Variants in LRP1B observed in about 807,000 individuals in gnomAD.
LRP1B encodes the protein LDL receptor related protein 1B.
A neutral mutation model predicts 556.6 loss-of-function variants in LRP1B; 217 were observed. The observed-to-expected ratio is 0.39, with a 90% CI of 0.35 to 0.44. LRP1B has a LOEUF of 0.44. Among genes scored for constraint, LRP1B ranks in the 20% least tolerant of loss-of-function variants. The pLI is 1.00. For missense variants in LRP1B, 5,053 were observed against 5,620.8 expected (o/e 0.90, Z 3.23); for synonymous variants, 2,047 against 1,865.8 (o/e 1.10, Z -2.50).
intron 60 of LRP1B, among the ~76,000 whole-genome samples, chr2:140,472,222 G>A (rs1240291074): frequency 6.6e-6 from 1 of 152,062 alleles, no homozygotes; most frequent in East Asian, 1.9e-4. Flanking sequence ...AATATTGAAT[G>A]AATGAATGAA....
chr2:140,501,461 C>T (rs1689183094), intron 55 of LRP1B, among the ~76,000 whole-genome samples: 1 of 150,982 alleles, frequency 6.6e-6, no homozygotes, highest in Admixed American at 6.6e-5. Flanking sequence ...CCTTTATGCT[C>T]CAAAAATGTA....
At chr2:140,979,839 A>C (rs2105340316) in intron 18 of LRP1B, among the ~76,000 whole-genome samples, 1 of 152,208 alleles carries the variant, frequency 6.6e-6, no homozygotes, top group Non-Finnish European at 1.5e-5. Context: ...TTGTGTTCTC[A>C]AGCAGGTTTC....
chr2:142,003,340 T>C (rs1348848716), intron 1 of LRP1B, among the ~76,000 whole-genome samples: 6 of 152,216 alleles, frequency 3.9e-5, no homozygotes, highest in Non-Finnish European at 7.3e-5. Flanking sequence ...GGTAATTTTG[T>C]GCAAATTAGA....
chr2:141,826,190 T>C (rs1008798805), intron 1 of LRP1B, among the ~76,000 whole-genome samples: 8 of 151,756 alleles, frequency 5.3e-5, no homozygotes, highest in South Asian at 4.1e-4. Flanking sequence ...AGAAAAAATA[T>C]ATATAAATTA....
At chr2:142,036,819 CTAAT>C (rs1703898352) in intron 1 of LRP1B, among the ~76,000 whole-genome samples, 1 of 151,672 alleles carries the variant, frequency 6.6e-6, no homozygotes, top group African/African-American at 2.4e-5. Context: ...GTTGAATTCA[CTAAT>C]TATTACAAAG....
At chr2:140,669,249 GAC>G (rs1422277979) in intron 41 of LRP1B, among the ~76,000 whole-genome samples, 1 of 151,962 alleles carries the variant, frequency 6.6e-6, no homozygotes, top group Non-Finnish European at 1.5e-5. Context: ...AAAATAATGA[GAC>G]AGTAAAGACA....
rs540973227 is a variant in LRP1B at position 141,542,934 on chromosome 2, G to GT, written c.206-62402dup. Among the ~76,000 whole-genome samples, 91 of 152,204 alleles carry GT rather than the reference G, an allele frequency of 6.0e-4. 3 individuals are homozygous for GT. In the South Asian group the frequency reaches 0.012, roughly 20 times the overall value. ...TCAGGTATTAAAAAAGATTAAGGTA[G>GT]TTTTTTATGTACTGATAGCAGAAGA... is the stretch of plus-strand genomic sequence containing the variant. On this transcript the variant is annotated intron_variant, in intron 2 of 90. Coordinates refer to ENST00000389484, the MANE Select transcript of LRP1B (RefSeq NM_018557.3).
intron 2 of LRP1B, among the ~76,000 whole-genome samples, chr2:141,611,176 T>C (rs1358526442): frequency 6.6e-6 from 1 of 152,210 alleles, no homozygotes; most frequent in Non-Finnish European, 1.5e-5. Flanking sequence ...TTTCCCATAG[T>C]TAAAGGAGCT....
chr2:141,440,978 G>A (rs1377776192), intron 3 of LRP1B, among the ~76,000 whole-genome samples: 1 of 144,770 alleles, frequency 6.9e-6, no homozygotes, highest in Non-Finnish European at 1.5e-5. Flanking sequence ...AGCCACTCCC[G>A]CCCACCCTCA....
intron 3 of LRP1B, among the ~76,000 whole-genome samples, chr2:141,308,306 T>C (rs994396969): frequency 1.3e-5 from 2 of 152,204 alleles, no homozygotes; most frequent in African/African-American, 4.8e-5. Flanking sequence ...TGGGTCTTGA[T>C]GGCATCTTTT....
Position 140,886,283 on chromosome 2 carries a change from A to T in LRP1B, c.3819T>A (p.Ile1273=), listed in dbSNP as rs762380327. 6.2e-7 allele frequency: 1 copy of T among 1,609,278 alleles called. No individual in the cohort carries two copies. Among genetic ancestry groups the T allele is most frequent in the East Asian group, 2.2e-5 (1 of 44,582 alleles). ...IFSIRHEIRR[I]DLHKRDYSLL... ...GACTATAGTCTCTTTTGTGAAGATC[A>T]ATCCTTCTGATCTCATGACGAATAG... The change falls in exon 24 of 91, where the codon ATT becomes ATA. Residue 1273 remains isoleucine (I), a synonymous_variant. Transcript: ENST00000389484.
rs1303640514 is a variant in LRP1B, at chr2:141,716,689, C to T, written c.205+93590G>A. 2.6e-5 allele frequency among the ~76,000 whole-genome samples: 4 copies of T among 152,124 alleles called. No homozygotes were observed. The East Asian group carries it at 7.7e-4, about 29-fold the overall frequency. On this transcript the variant is annotated intron_variant, in intron 2 of 90. Transcript: ENST00000389484. ...AAAAAAATAAATAAATCTGCTAAAGCCAACAGCTTTGGCGGCCTGCAATCT... is the reference window on the plus strand; with the variant it reads ...AAAAAAATAAATAAATCTGCTAAAGTCAACAGCTTTGGCGGCCTGCAATCT...
chr2:141,628,809 A>G (rs1248262972), intron 2 of LRP1B, among the ~76,000 whole-genome samples: 2 of 151,932 alleles, frequency 1.3e-5, no homozygotes, highest in Non-Finnish European at 2.9e-5. Flanking sequence ...CACCACACCC[A>G]GCTAATTTTG....
chr2:140,762,528 A>G (rs1019563678), intron 35 of LRP1B, among the ~76,000 whole-genome samples: 1 of 151,964 alleles, frequency 6.6e-6, no homozygotes, highest in Non-Finnish European at 1.5e-5. Flanking sequence ...TAATCCTCTT[A>G]TGGGTGTTTA....
intron 3 of LRP1B, among the ~76,000 whole-genome samples, chr2:141,325,085 A>C (rs1167760131): frequency 1.3e-5 from 2 of 152,102 alleles, no homozygotes; most frequent in Non-Finnish European, 2.9e-5. Context: ...CTGTTGAAAA[A>C]GAAATCATGC....
intron 85 of LRP1B, among the ~76,000 whole-genome samples, chr2:140,272,480 A>T (rs180914793): frequency 6.6e-6 from 1 of 152,106 alleles, no homozygotes; most frequent in East Asian, 1.9e-4. Flanking sequence ...TCTGTTTTAA[A>T]GATTATACTC....
intron 7 of LRP1B, among the ~76,000 whole-genome samples, chr2:141,126,042 T>A (rs886078161): frequency 6.6e-5 from 10 of 151,544 alleles, no homozygotes; most frequent in East Asian, 1.9e-4. Context: ...CTTTTATTTT[T>A]TTTTTTTTGA....
chr2:140,712,843 T>C (rs190198607), intron 37 of LRP1B, among the ~76,000 whole-genome samples: 232 of 152,194 alleles, frequency 1.5e-3, no homozygotes, highest in Non-Finnish European at 2.5e-3. Context: ...CTGATCTCTT[T>C]ATTGCTGGCA....
At chr2:141,130,032 A>G (rs1701310547) in intron 7 of LRP1B, among the ~76,000 whole-genome samples, 1 of 152,060 alleles carries the variant, frequency 6.6e-6, no homozygotes, top group South Asian at 2.1e-4. Context: ...ACCATACAAA[A>G]AAGCCATTAA....
Sources: allele counts gnomAD v4.1 joint callset (sites outside exome capture counted in the v4.1 genomes callset), GRCh38; gene constraint gnomAD v4.1.1; transcripts MANE v1.5; gene names NCBI Gene and HGNC (gene_info 2026-07-23, HGNC 2026-07-21).